The following LUZP2 variants were observed in gnomAD, a reference collection of about 807,000 sequenced individuals.
The protein encoded by LUZP2 is leucine zipper protein 2.
LUZP2 carries 52 observed loss-of-function variants against 51.6 expected under a neutral mutation model. That is an observed-to-expected ratio of 1.01 (90% CI 0.81 to 1.27). The LOEUF (loss-of-function observed/expected upper bound fraction) is 1.27, where lower values mean the gene tolerates loss of function less well. LUZP2 is among the 50% of genes most tolerant of loss of function. LUZP2 has a pLI of 0.00. For missense variants in LUZP2, 436 were observed against 395.4 expected, an observed-to-expected ratio of 1.10 and a Z score of -0.87; for synonymous variants, 154 against 137.3, an observed-to-expected ratio of 1.12 and a Z score of -0.85.
chr11:24,746,506 A>C (rs1260089927), intron 4 of LUZP2, among the ~76,000 whole-genome samples: 1 of 152,128 alleles, frequency 6.6e-6, no homozygotes, highest in Non-Finnish European at 1.5e-5. Context: ...TCTTAACTTT[A>C]GATAACCTGA....
At chr11:24,701,173 G>C (rs892240283) in intron 1 of LUZP2, 1 of 153,182 alleles carries the variant, frequency 6.5e-6, no homozygotes, top group Admixed American at 6.5e-5. Context: ...CAGGAGCTTG[G>C]TTGGCAGAAG....
chr11:24,727,991 A>G (rs1315966010), intron 1 of LUZP2, among the ~76,000 whole-genome samples: 1 of 152,060 alleles, frequency 6.6e-6, no homozygotes, highest in East Asian at 1.9e-4. Flanking sequence ...AATAGAAATT[A>G]TATATGTATA....
At chr11:24,901,183 A>G (rs867435034) in intron 5 of LUZP2, among the ~76,000 whole-genome samples, 7 of 152,224 alleles carry the variant, frequency 4.6e-5, no homozygotes, top group Middle Eastern at 3.4e-3. Context: ...TTGTTTTATT[A>G]TATTCTGTCT....
In LUZP2 at chr11:24,671,274, T is replaced by G. The variant is rs1856394076; in HGVS notation, c.63-57895T>G. On this transcript the variant is annotated intron_variant, in intron 1 of 11. Transcript: ENST00000336930. ...TTATTGTTTTACTTATTTACAGCAG[T>G]TTTAGCAGTTTTTTGTAAATTTTAT... Among the ~76,000 whole-genome samples the G allele has an allele frequency of 3.3e-5, 5 of 151,922 alleles. No individual in the cohort carries two copies. The South Asian group carries it at 1.0e-3, about 32-fold the overall frequency.
rs188143867 is a variant in LUZP2, at chr11:25,017,476, G to C, written c.766-32562G>C. ...GGGAGCCAGTTTCATTCTTCTACAT[G>C]TGGCTATCCAGTTTTCTTTGCACCA... On this transcript the variant is annotated intron_variant, in intron 9 of 11. Coordinates refer to ENST00000336930, the MANE Select transcript of LUZP2 (RefSeq NM_001009909.4). 3.3e-3 allele frequency among the ~76,000 whole-genome samples: 498 copies of C among 152,182 alleles called. 3 individuals are homozygous for C. Among genetic ancestry groups the C allele is most frequent in the African/African-American group, 0.011 (474 of 41,540 alleles).
chr11:24,763,401 C>T (rs1052635138), intron 5 of LUZP2, 93 bp downstream of exon 5: 3 of 475,070 alleles, frequency 6.3e-6, no homozygotes, highest in African/African-American at 6.1e-5. Flanking sequence ...GAGTATTAAA[C>T]ACTTGCATAT....
At chr11:24,878,711 A>G (rs968371699) in intron 5 of LUZP2, among the ~76,000 whole-genome samples, 1 of 151,732 alleles carries the variant, frequency 6.6e-6, no homozygotes, top group Non-Finnish European at 1.5e-5. Context: ...TTACGTAGGT[A>G]TACCTGTGCC....
At chr11:24,523,127 A>G (rs1437928376) in intron 1 of LUZP2, among the ~76,000 whole-genome samples, 2 of 151,982 alleles carry the variant, frequency 1.3e-5, no homozygotes, top group Non-Finnish European at 2.9e-5. Flanking sequence ...ATCTGGTTCT[A>G]CAGTGAGAAT....
At chr11:24,551,497 A>AC (rs1851723311) in intron 1 of LUZP2, among the ~76,000 whole-genome samples, 1 of 152,038 alleles carries the variant, frequency 6.6e-6, no homozygotes, top group Non-Finnish European at 1.5e-5. Context: ...GTGGTGTTGA[A>AC]AATTTTATAT....
chr11:24,512,651 CACTT>C (rs1850346310), intron 1 of LUZP2, among the ~76,000 whole-genome samples: 1 of 152,080 alleles, frequency 6.6e-6, no homozygotes, highest in Non-Finnish European at 1.5e-5. Context: ...TGATCTCTAA[CACTT>C]AATACGAAGT....
At chr11:24,550,070 T>C (rs1056517014) in intron 1 of LUZP2, among the ~76,000 whole-genome samples, 4 of 152,070 alleles carry the variant, frequency 2.6e-5, no homozygotes. Flanking sequence ...CCTACAATTA[T>C]GTGAAATCTT....
chr11:24,994,349 G>C (rs1856436574), intron 9 of LUZP2, among the ~76,000 whole-genome samples: 1 of 152,096 alleles, frequency 6.6e-6, no homozygotes, highest in Non-Finnish European at 1.5e-5. Context: ...TCATTTGTCT[G>C]CATGTGGCAT....
In LUZP2 at chr11:24,800,463, C is replaced by T. The variant is rs1361741784; in HGVS notation, c.396+37155C>T. ...GTCTGAGCAGAGGTTACTGAATTCC[C>T]TATATAAGCATGTTCAGAGATCTAG... On this transcript the variant is annotated intron_variant, in intron 5 of 11. Transcript: ENST00000336930. 1.3e-4 allele frequency among the ~76,000 whole-genome samples: 20 copies of T among 150,834 alleles called. No individual in the cohort carries two copies. In the Admixed American group the frequency reaches 1.3e-3, roughly 10 times the overall value.
chr11:24,661,357 G>A (rs895127236), intron 1 of LUZP2, among the ~76,000 whole-genome samples: 2 of 152,152 alleles, frequency 1.3e-5, no homozygotes, highest in African/African-American at 4.8e-5. Flanking sequence ...GGCATACAAG[G>A]TAGAACAAAA....
chr11:24,674,787 C>T, intron 1 of LUZP2, among the ~76,000 whole-genome samples: 1 of 152,142 alleles, frequency 6.6e-6, no homozygotes, highest in Non-Finnish European at 1.5e-5. Context: ...TGCCTGCTCC[C>T]TGCGCATTTA....
intron 1 of LUZP2, among the ~76,000 whole-genome samples, chr11:24,515,549 G>A (rs1005717304): frequency 6.6e-6 from 1 of 152,128 alleles, no homozygotes; most frequent in Non-Finnish European, 1.5e-5. Flanking sequence ...GACAAAAAGT[G>A]CAAAGAGTAA....
At chr11:24,668,880 C>G (rs1014466744) in intron 1 of LUZP2, among the ~76,000 whole-genome samples, 1 of 152,052 alleles carries the variant, frequency 6.6e-6, no homozygotes, top group African/African-American at 2.4e-5. Context: ...ACTAGATTTT[C>G]CTGGACATTT....
intron 1 of LUZP2, among the ~76,000 whole-genome samples, chr11:24,516,125 TG>T: frequency 6.6e-6 from 1 of 152,044 alleles, no homozygotes; most frequent in Non-Finnish European, 1.5e-5. Context: ...TCAGTTAAAT[TG>T]GGAAAATAAT....
chr11:25,001,043 G>T (rs982389082), intron 9 of LUZP2, among the ~76,000 whole-genome samples: 2 of 152,158 alleles, frequency 1.3e-5, no homozygotes. Context: ...CTTGAGCTTT[G>T]AGGGGCACTG....
Sources: allele counts gnomAD v4.1 joint callset (sites outside exome capture counted in the v4.1 genomes callset), GRCh38; gene constraint gnomAD v4.1.1; transcripts MANE v1.5; gene names NCBI Gene and HGNC (gene_info 2026-07-23, HGNC 2026-07-21).